Variants in CDH12 observed in about 807,000 individuals in gnomAD.
The protein encoded by CDH12 is cadherin-12.
A neutral mutation model predicts 74.1 loss-of-function variants in CDH12; 41 were observed. The observed-to-expected ratio is 0.55, with a 90% confidence interval of 0.43 to 0.72. CDH12 has a LOEUF of 0.72. Ranked by LOEUF, CDH12 falls within the 30% of genes least tolerant of loss-of-function variation. The pLI, the probability that CDH12 is intolerant of heterozygous loss-of-function variation, is 0.00. For missense variants in CDH12, 945 were observed against 977.2 expected, an observed-to-expected ratio of 0.97 and a Z score of 0.44; for synonymous variants, 399 against 355.0, an observed-to-expected ratio of 1.12 and a Z score of -1.39.
intron 4 of CDH12, among the ~76,000 whole-genome samples, chr5:22,164,204 C>G (rs1020873431): frequency 7.2e-5 from 11 of 152,208 alleles, no homozygotes; most frequent in African/African-American, 2.4e-4. Flanking sequence ...CTCATGCTCT[C>G]TGACTTGGGG....
At chr5:21,905,696 A>T (rs1006552640) in intron 6 of CDH12, among the ~76,000 whole-genome samples, 5 of 152,098 alleles carry the variant, frequency 3.3e-5, no homozygotes, top group Non-Finnish European at 7.4e-5. Flanking sequence ...TGTCTCATTC[A>T]TTCTAGTTTT....
At chr5:22,337,701 C>T (rs1486642144) in intron 3 of CDH12, among the ~76,000 whole-genome samples, 3 of 152,130 alleles carry the variant, frequency 2.0e-5, no homozygotes, top group African/African-American at 4.8e-5. Context: ...TTGCAAATTG[C>T]CCAGTCTTCA....
chr5:21,936,243 C>T (rs188660306), intron 6 of CDH12, among the ~76,000 whole-genome samples: 24 of 152,242 alleles, frequency 1.6e-4, no homozygotes, highest in African/African-American at 4.6e-4. Flanking sequence ...TGTATCTCCG[C>T]GCCAACATTT....
At chr5:21,907,815 TCTA>T (rs1324518972) in intron 6 of CDH12, among the ~76,000 whole-genome samples, 7 of 152,212 alleles carry the variant, frequency 4.6e-5, no homozygotes, top group Non-Finnish European at 1.0e-4. Flanking sequence ...CCAGACTTGG[TCTA>T]CCCCGATACA....
intron 4 of CDH12, among the ~76,000 whole-genome samples, chr5:22,207,495 A>C (rs981974994): frequency 2.6e-5 from 4 of 152,208 alleles, no homozygotes; most frequent in African/African-American, 9.6e-5. Flanking sequence ...ATTTACAAAA[A>C]CAAATCACGG....
rs150262158 is a variant in CDH12 at position 22,285,574 on chromosome 5, C to T, written c.-332-72931G>A. On this transcript the variant is annotated intron_variant, in intron 3 of 14. Coordinates refer to ENST00000382254, the MANE Select transcript of CDH12 (RefSeq NM_004061.5). The stretch of plus-strand genomic sequence containing the variant: ...TAAACTTGGTTAGAACTTTGCTGAA[C>T]ACTCAGGTGGTATCCACTAAATAAC... Among the ~76,000 whole-genome samples, 47 of 150,936 alleles carry T rather than the reference C, an allele frequency of 3.1e-4. No homozygotes were observed. In the East Asian group the frequency reaches 8.7e-3, roughly 28 times the overall value.
At chr5:22,624,740 A>G (rs546488901) in intron 1 of CDH12, among the ~76,000 whole-genome samples, 2 of 152,356 alleles carry the variant, frequency 1.3e-5, no homozygotes, top group African/African-American at 4.8e-5. Flanking sequence ...ACTATTGTGG[A>G]AGACAGTGTG....
intron 3 of CDH12, among the ~76,000 whole-genome samples, chr5:22,367,471 G>C (rs966451939): frequency 6.6e-6 from 1 of 152,052 alleles, no homozygotes; most frequent in Admixed American, 6.6e-5. Context: ...GTTGTTAGTT[G>C]GTTATAGTTT....
chr5:22,288,707 T>C (rs1737261253), intron 3 of CDH12, among the ~76,000 whole-genome samples: 1 of 152,130 alleles, frequency 6.6e-6, no homozygotes, highest in Non-Finnish European at 1.5e-5. Context: ...GTGGACCAAA[T>C]TGTCTACATT....
intron 6 of CDH12, among the ~76,000 whole-genome samples, chr5:21,865,259 ATTAAAT>A (rs1454947800): frequency 6.6e-6 from 1 of 152,180 alleles, no homozygotes; most frequent in Non-Finnish European, 1.5e-5. Flanking sequence ...AGAACTTAAA[ATTAAAT>A]TAAGGCAGAA....
chr5:22,207,863 T>C lies in CDH12; in HGVS notation c.-187+4635A>G, dbSNP rs527742686. On this transcript the variant is annotated intron_variant, in intron 4 of 14. Transcript: ENST00000382254. ...TGCTAAGGAGAAAAAAGATCTCTAA[T>C]TTTTGCTACTTTACAGGTAAGGTGA... Among the ~76,000 whole-genome samples the C allele has an allele frequency of 7.9e-5, 12 of 152,240 alleles. No individual in the cohort carries two copies. In the East Asian group the frequency reaches 1.3e-3, roughly 17 times the overall value.
intron 5 of CDH12, among the ~76,000 whole-genome samples, chr5:21,992,250 G>T (rs915326419): frequency 6.6e-6 from 1 of 151,824 alleles, no homozygotes; most frequent in Non-Finnish European, 1.5e-5. Flanking sequence ...ATGCAAAAAC[G>T]AAAAAAATAG....
At chr5:21,773,993 G>A (rs1266865606) in intron 11 of CDH12, among the ~76,000 whole-genome samples, 2 of 152,136 alleles carry the variant, frequency 1.3e-5, no homozygotes, top group South Asian at 2.1e-4. Flanking sequence ...TGGTGATTAT[G>A]TATGATTTCA....
intron 2 of CDH12, among the ~76,000 whole-genome samples, chr5:22,481,497 T>G (rs1746382801): frequency 6.6e-6 from 1 of 152,172 alleles, no homozygotes; most frequent in Non-Finnish European, 1.5e-5. Context: ...ATGTGGCGTA[T>G]TTACAGTGGT....
intron 1 of CDH12, among the ~76,000 whole-genome samples, chr5:22,546,318 A>G (rs919119860): frequency 6.6e-6 from 1 of 152,200 alleles, no homozygotes; most frequent in Non-Finnish European, 1.5e-5. Flanking sequence ...TCTATAGGAA[A>G]TGAAATAAAA....
At chr5:22,440,278 C>A (rs1744571404) in intron 2 of CDH12, among the ~76,000 whole-genome samples, 1 of 151,776 alleles carries the variant, frequency 6.6e-6, no homozygotes, top group Non-Finnish European at 1.5e-5. Context: ...ATATTTGTTC[C>A]TTGATGAAAA....
intron 3 of CDH12, among the ~76,000 whole-genome samples, chr5:22,293,621 TAC>T (rs150772328): frequency 1.3e-5 from 2 of 150,654 alleles, no homozygotes; most frequent in Admixed American, 6.6e-5. Flanking sequence ...CATATACATA[TAC>T]ACACACACAC....
intron 3 of CDH12, among the ~76,000 whole-genome samples, chr5:22,294,616 A>G (rs1200072962): frequency 6.6e-6 from 1 of 152,204 alleles, no homozygotes; most frequent in Non-Finnish European, 1.5e-5. Flanking sequence ...ATAGCAGACT[A>G]GCATCCAAGA....
chr5:22,322,367 A>T (rs1016600364), intron 3 of CDH12, among the ~76,000 whole-genome samples: 25 of 27,080 alleles, frequency 9.2e-4, no homozygotes, highest in African/African-American at 4.3e-3. Flanking sequence ...AGCTTTATTT[A>T]AAAAAAAAAA....
Sources: gnomAD v4.1 joint callset for allele counts (sites outside exome capture counted in the v4.1 genomes callset) on GRCh38, gnomAD v4.1.1 for gene constraint, MANE v1.5 for transcripts, NCBI Gene and HGNC (gene_info 2026-07-23, HGNC 2026-07-21) for gene names.